The following SCTR variants were observed in gnomAD, a reference collection of about 807,000 sequenced individuals.
The protein encoded by SCTR is pancreatic secretin receptor.
Under a neutral mutation model 60.8 loss-of-function variants are expected in SCTR, and 56 were observed. The ratio of observed to expected loss-of-function variants is 0.92; its 90% CI spans 0.74 to 1.15. The LOEUF (loss-of-function observed/expected upper bound fraction) is 1.15. Among genes scored for constraint, SCTR ranks in the 50% most tolerant of loss-of-function variants. SCTR has a pLI of 0.00. For synonymous variants in SCTR, 202 were observed against 217.0 expected, an observed-to-expected ratio of 0.93 and a Z score of 0.61; for missense variants, 562 against 550.4, an observed-to-expected ratio of 1.02 and a Z score of -0.21.
chr2:119,503,243 T>A (rs772129357), intron 1 of SCTR, among the ~76,000 whole-genome samples: 5 of 149,382 alleles, frequency 3.3e-5, no homozygotes, highest in Non-Finnish European at 6.0e-5. Context: ...TAATCTTAAA[T>A]ACAGATTGCT....
At chr2:119,473,060 A>G (rs951943157) in intron 4 of SCTR, among the ~76,000 whole-genome samples, 1 of 152,224 alleles carries the variant, frequency 6.6e-6, no homozygotes, top group African/African-American at 2.4e-5. Context: ...GAAGAAAGTG[A>G]GGCACGTAGT....
In SCTR at chr2:119,489,004, C is replaced by T. The variant is rs557728871; in HGVS notation, c.193+5424G>A. On this transcript the variant is annotated intron_variant, in intron 2 of 12. Transcript: ENST00000019103. ...CCTCACAGCAGACCCTCTGCCGCCACGGGGAGAGTCTTTTCCTCGAACCGT... is the reference window on the plus strand; with the variant it reads ...CCTCACAGCAGACCCTCTGCCGCCATGGGGAGAGTCTTTTCCTCGAACCGT... Among the ~76,000 whole-genome samples the T allele has an allele frequency of 5.3e-5, 8 of 152,254 alleles. No individual in the cohort carries two copies. In the East Asian group the frequency reaches 7.7e-4, roughly 15 times the overall value.
At chr2:119,521,674 T>C (rs1052371147) in intron 1 of SCTR, among the ~76,000 whole-genome samples, 1 of 151,998 alleles carries the variant, frequency 6.6e-6, no homozygotes, top group African/African-American at 2.4e-5. Flanking sequence ...AATAAGCAAT[T>C]TGGCCTCACT....
chr2:119,440,150 C>T lies in SCTR; in HGVS notation c.1290G>A (p.Gln430=). The change falls in exon 13 of 13, where the codon CAG becomes CAA. Residue 430 remains glutamine, a synonymous_variant. Coordinates refer to ENST00000019103, the MANE Select transcript of SCTR (RefSeq NM_002980.3). ...SNSTKASHLE[Q]SQGTCRTSII is the part of the protein sequence containing the mutation. ...TGCTGGTCCTGCAGGTGCCCTGGCT[C>T]TGCTCCAAGTGGCTGGCCTTGGTGC... The T allele has an allele frequency of 6.2e-7, 1 of 1,614,068 alleles. No homozygotes were observed. The highest frequency in any genetic ancestry group is 8.5e-7 in the Non-Finnish European group (1 of 1,180,000).
intron 1 of SCTR, among the ~76,000 whole-genome samples, chr2:119,506,554 T>C (rs2104929978): frequency 6.6e-6 from 1 of 152,236 alleles, no homozygotes; most frequent in South Asian, 2.1e-4. Context: ...TAATCATAGT[T>C]CACCGCAGCC....
chr2:119,446,538 C>A (rs1399941611), intron 11 of SCTR, among the ~76,000 whole-genome samples: 3 of 152,160 alleles, frequency 2.0e-5, no homozygotes, highest in Non-Finnish European at 4.4e-5. Flanking sequence ...TCCCTGAAGT[C>A]AGTCTCTCTG....
chr2:119,493,784 G>A (rs1558871877), intron 2 of SCTR, among the ~76,000 whole-genome samples: 1 of 152,092 alleles, frequency 6.6e-6, no homozygotes, highest in East Asian at 1.9e-4. Context: ...TGGAATTACA[G>A]GCATGCGCCA....
chr2:119,444,282 AATATATACAC>A (rs1367979306), intron 11 of SCTR, among the ~76,000 whole-genome samples: 2 of 22,866 alleles, frequency 8.7e-5, no homozygotes, highest in African/African-American at 2.5e-4. Flanking sequence ...TATACATATG[AATATATACAC>A]ATATATACGT....
intron 3 of SCTR, among the ~76,000 whole-genome samples, chr2:119,476,045 A>AC (rs1332175078): frequency 6.6e-6 from 1 of 152,012 alleles, no homozygotes; most frequent in African/African-American, 2.4e-5. Context: ...AGTCACATGG[A>AC]CCCCACCCCT....
At chr2:119,512,747 T>C (rs896613259) in intron 1 of SCTR, among the ~76,000 whole-genome samples, 3 of 152,240 alleles carry the variant, frequency 2.0e-5, no homozygotes, top group Non-Finnish European at 4.4e-5. Context: ...GTAGAGTTTT[T>C]TTATGAATGT....
intron 2 of SCTR, among the ~76,000 whole-genome samples, chr2:119,483,744 T>G (rs1372730685): frequency 6.6e-6 from 1 of 152,216 alleles, no homozygotes; most frequent in East Asian, 1.9e-4. Flanking sequence ...GCTAAGTTTT[T>G]TAAAAGTCCA....
intron 1 of SCTR, among the ~76,000 whole-genome samples, chr2:119,496,613 A>G (rs942479540): frequency 1.6e-4 from 24 of 152,344 alleles, no homozygotes; most frequent in African/African-American, 5.8e-4. Flanking sequence ...GGAGCCCAAG[A>G]ATGACCCAGT....
intron 1 of SCTR, 53 bp downstream of exon 1, chr2:119,524,102 G>T (rs1411975838): frequency 2.1e-5 from 30 of 1,430,876 alleles, no homozygotes; most frequent in Non-Finnish European, 2.8e-5. Flanking sequence ...CGGAGAAAGG[G>T]CGAGACTGTC....
At chr2:119,483,434 T>C (rs2920694) in intron 2 of SCTR, among the ~76,000 whole-genome samples, 134,005 of 152,208 alleles carry the variant, frequency 0.88, 59,173 homozygotes, top group African/African-American at 0.95. Context: ...AGGCTGGCCT[T>C]GGTGGCAGCA....
chr2:119,493,932 C>A (rs2579658), intron 2 of SCTR, among the ~76,000 whole-genome samples: 103,032 of 152,054 alleles, frequency 0.68, 38,307 homozygotes, highest in East Asian at 0.88. Flanking sequence ...TGAGCCACCA[C>A]GCCTGGCCAC....
At chr2:119,473,367 C>G in intron 4 of SCTR, 86 bp downstream of exon 4, 1 of 895,584 alleles carries the variant, frequency 1.1e-6, no homozygotes, top group Non-Finnish European at 1.8e-6. Flanking sequence ...GCCACCCTGT[C>G]CTCTCCCAGG....
chr2:119,468,232 G>T (rs977494885), intron 4 of SCTR, among the ~76,000 whole-genome samples: 1 of 152,168 alleles, frequency 6.6e-6, no homozygotes, highest in Non-Finnish European at 1.5e-5. Flanking sequence ...AAAGAAAAGG[G>T]TAATTATTTT....
At chr2:119,451,956 C>A in intron 9 of SCTR, 54 bp downstream of exon 9, 1 of 1,148,682 alleles carries the variant, frequency 8.7e-7, no homozygotes, top group South Asian at 1.3e-5. Context: ...GTGGGCTGGT[C>A]ACCATTTCCG....
chr2:119,519,095 G>A (rs1372952053), intron 1 of SCTR, among the ~76,000 whole-genome samples: 2 of 152,138 alleles, frequency 1.3e-5, no homozygotes, highest in East Asian at 3.9e-4. Flanking sequence ...AGCTTCCCGA[G>A]TAGCTGAGAT....
Sources: gnomAD v4.1 joint callset for allele counts (sites outside exome capture counted in the v4.1 genomes callset) on GRCh38, gnomAD v4.1.1 for gene constraint, MANE v1.5 for transcripts, NCBI Gene and HGNC (gene_info 2026-07-23, HGNC 2026-07-21) for gene names.